DMD: variants seen among roughly 807,000 people sequenced by gnomAD.
The protein encoded by DMD is mutant dystrophin.
Under a neutral mutation model 330.1 loss-of-function variants are expected in DMD, and 63 were observed. The observed-to-expected ratio is 0.19, with a 90% confidence interval of 0.16 to 0.24. The LOEUF (loss-of-function observed/expected upper bound fraction) is 0.24. Ranked by LOEUF, DMD falls within the 10% of genes least tolerant of loss-of-function variation. The pLI is 1.00. For synonymous variants in DMD, 1,223 were observed against 959.8 expected, an observed-to-expected ratio of 1.27 and a Z score of -5.07; for missense variants, 3,344 against 2,684.1, an observed-to-expected ratio of 1.25 and a Z score of -5.43.
chrX:31,659,196 G>A (rs2080966436), intron 53 of DMD, among the ~76,000 whole-genome samples: 1 of 111,496 alleles, frequency 9.0e-6, no homozygotes, highest in African/African-American at 3.3e-5. Flanking sequence ...TTATCTATTA[G>A]GACAATTTGG....
intron 11 of DMD, among the ~76,000 whole-genome samples, chrX:32,628,240 A>C (rs1381886820): frequency 3.0e-5 from 2 of 66,450 alleles, no homozygotes; most frequent in African/African-American, 1.3e-4. Flanking sequence ...CTCTATCTCC[A>C]TGAGTTCAGT....
At chrX:32,212,271 G>A (rs1483588653) in intron 44 of DMD, among the ~76,000 whole-genome samples, 1 of 111,621 alleles carries the variant, frequency 9.0e-6, no homozygotes, top group Non-Finnish European at 1.9e-5. Flanking sequence ...ATAAAAATAA[G>A]GTTTTATGAA....
At chrX:32,656,830 T>G (rs1168269008) in intron 9 of DMD, among the ~76,000 whole-genome samples, 4 of 112,132 alleles carry the variant, frequency 3.6e-5, no homozygotes, top group Non-Finnish European at 7.5e-5. Flanking sequence ...AGGTCATTTG[T>G]GCTTCCAATT....
At chrX:32,099,316 T>C (rs1038514884) in intron 44 of DMD, among the ~76,000 whole-genome samples, 8 of 111,364 alleles carry the variant, frequency 7.2e-5, no homozygotes, top group Non-Finnish European at 1.5e-4. Flanking sequence ...TGTCTGTTCA[T>C]TGTGGAAGGC....
chrX:32,684,010 CACAT>C (rs1232644014), intron 9 of DMD, among the ~76,000 whole-genome samples: 26 of 78,786 alleles, frequency 3.3e-4, no homozygotes, highest in African/African-American at 6.7e-4. Flanking sequence ...CACACACACA[CACAT>C]ACATACACAC....
intron 43 of DMD, among the ~76,000 whole-genome samples, chrX:32,240,674 C>T (rs147532671): frequency 0.11 from 12,343 of 111,292 alleles, 593 homozygotes; most frequent in Admixed American, 0.15. Context: ...AGAGGGACTG[C>T]TGGTCTCACC....
chrX:32,336,906 AG>A (rs1222441845), intron 41 of DMD, among the ~76,000 whole-genome samples: 2 of 111,726 alleles, frequency 1.8e-5, no homozygotes, highest in Admixed American at 1.9e-4. Flanking sequence ...ACAAAGTGTG[AG>A]TAACAGAAGT....
At chrX:32,867,136 C>G (rs1010197859) in intron 2 of DMD, among the ~76,000 whole-genome samples, 1 of 106,887 alleles carries the variant, frequency 9.4e-6, no homozygotes, top group Non-Finnish European at 1.9e-5. Context: ...ATTCCTTGCC[C>G]AATATGTTCA....
At chrX:33,331,621 T>C (rs754679543) in intron 1 of DMD, among the ~76,000 whole-genome samples, 177 of 111,612 alleles carry the variant, frequency 1.6e-3, no homozygotes, top group South Asian at 7.1e-3. Flanking sequence ...AATGTCAATA[T>C]TTCTTCTGGA....
chrX:33,032,283 G>C (rs1336957833), intron 1 of DMD, among the ~76,000 whole-genome samples: 3 of 112,183 alleles, frequency 2.7e-5, no homozygotes, highest in Non-Finnish European at 5.6e-5. Flanking sequence ...GTTCCTAAAA[G>C]GAGAGATGCA....
chrX:31,690,910 T>C (rs763306580), intron 52 of DMD, among the ~76,000 whole-genome samples: 35 of 110,342 alleles, frequency 3.2e-4, no homozygotes, highest in Admixed American at 1.1e-3. Flanking sequence ...TAGGTGGGAA[T>C]TGAACAATGA....
chrX:32,389,151 T>C (rs1455778506), intron 32 of DMD, among the ~76,000 whole-genome samples: 6 of 111,846 alleles, frequency 5.4e-5, no homozygotes, highest in Non-Finnish European at 3.8e-5. Context: ...TTACCTGGCA[T>C]CCATTATTTC....
chrX:31,741,592 AG>A (rs770879543), intron 51 of DMD, among the ~76,000 whole-genome samples: 2 of 110,920 alleles, frequency 1.8e-5, no homozygotes, highest in Non-Finnish European at 3.8e-5. Flanking sequence ...GTCTCAACAG[AG>A]GGCTCAAAAT....
At chrX:32,895,863 G>A (rs1252326225) in intron 2 of DMD, among the ~76,000 whole-genome samples, 2 of 96,328 alleles carry the variant, frequency 2.1e-5, no homozygotes, top group African/African-American at 6.9e-5. Flanking sequence ...GTGTGTGTGT[G>A]TGTGTGTGTG....
intron 7 of DMD, among the ~76,000 whole-genome samples, chrX:32,799,128 T>G (rs528750999): frequency 9.0e-6 from 1 of 111,415 alleles, no homozygotes; most frequent in African/African-American, 3.3e-5. Context: ...AAGCATTCAC[T>G]CCAGGAGTAA....
chrX:31,121,621 TTCTTA>T lies in DMD; in HGVS notation c.*293_*297del, dbSNP rs1274835876. The T allele has an allele frequency of 5.8e-6, 2 of 344,495 alleles. No homozygotes were observed. The highest frequency in any genetic ancestry group is 1.0e-5 in the Non-Finnish European group (2 of 199,380). The allele number at this position is 344,495 out of a possible 1,213,427, so 28.4% of individuals were successfully genotyped here. On this transcript the variant is annotated 3_prime_UTR_variant, in exon 79 of 79. Transcript: ENST00000357033. ...AGCTATCAAGATTTTACATGTAGTTTTCTTATAACTTTTTTGTACAATTGCATAGA... is the reference window on the plus strand; with the variant it reads ...AGCTATCAAGATTTTACATGTAGTTTTAACTTTTTTGTACAATTGCATAGA...
At position 32,994,492 on chromosome X, in the gene DMD, C is replaced by G. The variant is rs754809606; in HGVS notation, c.93+25647G>C. ...TGTAAAATGAGGATACTAATAATGT[C>G]TATCTCAGTACGTTGCTTTAAGAAT... On this transcript the variant is annotated intron_variant, in intron 2 of 78. Coordinates refer to ENST00000357033, the MANE Select transcript of DMD (RefSeq NM_004006.3). Among the ~76,000 whole-genome samples, 190 of 111,881 alleles carry G rather than the reference C, an allele frequency of 1.7e-3. 1 individual carries two copies. The highest frequency in any genetic ancestry group is 4.6e-3 in the Middle Eastern group (1 of 218).
intron 7 of DMD, among the ~76,000 whole-genome samples, chrX:32,719,216 G>A (rs1443787010): frequency 2.7e-5 from 3 of 111,774 alleles, no homozygotes; most frequent in Non-Finnish European, 5.6e-5. Flanking sequence ...CTGATGAATT[G>A]AAAATAATAA....
chrX:32,329,232 G>A (rs1328318295), intron 41 of DMD, among the ~76,000 whole-genome samples: 19 of 112,111 alleles, frequency 1.7e-4, no homozygotes, highest in East Asian at 5.6e-4. Flanking sequence ...GAAGGGAAAC[G>A]TCTAGCTGAT....
Sources: allele counts gnomAD v4.1 joint callset (sites outside exome capture counted in the v4.1 genomes callset), GRCh38; gene constraint gnomAD v4.1.1; transcripts MANE v1.5; gene names NCBI Gene and HGNC (gene_info 2026-07-23, HGNC 2026-07-21).